The following VWA3B variants were observed in gnomAD, a reference collection of about 807,000 sequenced individuals.
The protein encoded by VWA3B is von Willebrand factor A domain-containing protein 3B.
In VWA3B, 138 loss-of-function variants were observed where a neutral mutation model predicts 158.3. The ratio of observed to expected loss-of-function variants is 0.87; its 90% CI spans 0.76 to 1.00. VWA3B has a LOEUF of 1.00. Among genes scored for constraint, VWA3B ranks in the 50% least tolerant of loss-of-function variants. The pLI is 0.00. For missense variants in VWA3B, 1,555 were observed against 1,565.1 expected (o/e 0.99, Z 0.11); for synonymous variants, 596 against 587.3 (o/e 1.01, Z -0.21).
chr2:98,203,967 A>G (rs527549076), intron 12 of VWA3B, among the ~76,000 whole-genome samples: 2 of 152,364 alleles, frequency 1.3e-5, no homozygotes, highest in African/African-American at 4.8e-5. Context: ...TATAACAACT[A>G]CTTATGTAGA....
chr2:98,251,096 T>TA (rs951702794), intron 20 of VWA3B, among the ~76,000 whole-genome samples: 14 of 151,772 alleles, frequency 9.2e-5, no homozygotes, highest in African/African-American at 3.2e-4. Context: ...AGACCTCGTC[T>TA]AAAAAAAATT....
At chr2:98,192,411 G>A (rs188646665) in intron 10 of VWA3B, 53 of 162,754 alleles carry the variant, frequency 3.3e-4, no homozygotes, top group Non-Finnish European at 4.2e-4. Flanking sequence ...GTTCTCTGGC[G>A]GGCAGAGTGG....
intron 24 of VWA3B, among the ~76,000 whole-genome samples, chr2:98,298,373 G>GATTCTATTCT (rs61254436): frequency 0.091 from 11,112 of 122,130 alleles, 836 homozygotes; most frequent in Middle Eastern, 0.15. Flanking sequence ...AACTACAAAA[G>GATTCTATTCT]ATTCTATTCT....
intron 7 of VWA3B, among the ~76,000 whole-genome samples, chr2:98,139,880 G>C (rs568663749): frequency 6.6e-6 from 1 of 152,224 alleles, no homozygotes; most frequent in Non-Finnish European, 1.5e-5. Context: ...TTGTTCTTTC[G>C]CTCTTTGCAA....
chr2:98,136,127 A>G (rs1676262302), intron 7 of VWA3B, among the ~76,000 whole-genome samples: 1 of 152,242 alleles, frequency 6.6e-6, no homozygotes, highest in African/African-American at 2.4e-5. Flanking sequence ...TGGATACCAG[A>G]TAATAGGCTT....
Position 98,162,934 on chromosome 2 carries a change from G to A in VWA3B, c.1072G>A (p.Val358Met), listed in dbSNP as rs149236888. The A allele has an allele frequency of 5.5e-4, 882 of 1,614,096 alleles. 14 individuals carry two copies. In the East Asian group the frequency reaches 0.017, roughly 31 times the overall value. The change falls in exon 8 of 28, where the codon GTG becomes ATG. Residue 358 changes from valine to methionine, a missense_variant. Transcript: ENST00000477737. ...CACGCTGGCCCAGATCCAGAGGCTG[G>A]TGGCCGAGCCTCCCAAGCCCGACGT... is the stretch of plus-strand genomic sequence containing the variant. ...CSTLAQIQRLVAEPPKPDVAT... is the reference protein window; with the variant it reads ...CSTLAQIQRLMAEPPKPDVAT...
intron 7 of VWA3B, among the ~76,000 whole-genome samples, chr2:98,143,594 T>TGAG (rs1381780862): frequency 6.6e-6 from 1 of 152,092 alleles, no homozygotes; most frequent in Non-Finnish European, 1.5e-5. Context: ...CAGAGAGGAA[T>TGAG]GAGGCACTGT....
intron 8 of VWA3B, among the ~76,000 whole-genome samples, chr2:98,169,301 T>C (rs1297633869): frequency 5.9e-5 from 9 of 152,234 alleles, no homozygotes; most frequent in Non-Finnish European, 1.3e-4. Flanking sequence ...TAATTTATCA[T>C]TGGCACATAT....
chr2:98,184,183 G>T (rs1241450275), intron 9 of VWA3B, among the ~76,000 whole-genome samples: 1 of 152,210 alleles, frequency 6.6e-6, no homozygotes, highest in Non-Finnish European at 1.5e-5. Flanking sequence ...CCTCTCTGTG[G>T]TGTATGGTCT....
chr2:98,285,115 A>G (rs914557588), intron 22 of VWA3B, among the ~76,000 whole-genome samples: 1 of 152,188 alleles, frequency 6.6e-6, no homozygotes, highest in African/African-American at 2.4e-5. Context: ...AATTGACAAG[A>G]GTTTTCAACT....
intron 10 of VWA3B, among the ~76,000 whole-genome samples, chr2:98,192,116 C>T (rs986025499): frequency 1.3e-5 from 2 of 152,220 alleles, no homozygotes; most frequent in Non-Finnish European, 1.5e-5. Context: ...GCTGGCTTCA[C>T]TAGCTTGACG....
At chr2:98,193,680 C>T (rs368632234) in intron 11 of VWA3B, among the ~76,000 whole-genome samples, 65 of 151,766 alleles carry the variant, frequency 4.3e-4, no homozygotes, top group African/African-American at 1.5e-3. Context: ...ACTGCAAGCT[C>T]CGCCTCCCGG....
At chr2:98,169,685 AGAGACGTG>A (rs1679409571) in intron 8 of VWA3B, among the ~76,000 whole-genome samples, 1 of 151,192 alleles carries the variant, frequency 6.6e-6, no homozygotes, top group Non-Finnish European at 1.5e-5. Flanking sequence ...TGAGCTGTTC[AGAGACGTG>A]GGTGGGACAC....
At chr2:98,327,838 G>T in the VWA3B span, among the ~76,000 whole-genome samples, 1 of 152,136 alleles carries the variant, frequency 6.6e-6, no homozygotes. Flanking sequence ...ACAAGCATAC[G>T]TTCAGCCATT....
chr2:98,207,367 C>A, intron 12 of VWA3B: 1 of 484,890 alleles, frequency 2.1e-6, no homozygotes, highest in South Asian at 1.6e-5. Flanking sequence ...CATCATGGAT[C>A]CCAACATTGT....
At chr2:98,187,664 CTGTGTGTGTGTGTGTGTGTG>C in intron 9 of VWA3B, among the ~76,000 whole-genome samples, 1 of 141,796 alleles carries the variant, frequency 7.1e-6, no homozygotes, top group Admixed American at 7.0e-5. Flanking sequence ...GTCTCTGTGT[CTGTGTGTGTGTGTGTGTGTG>C]TGTGTGTGTG....
At chr2:98,219,608 C>T (rs1008358308) in intron 14 of VWA3B, among the ~76,000 whole-genome samples, 5 of 152,020 alleles carry the variant, frequency 3.3e-5, no homozygotes, top group Non-Finnish European at 5.9e-5. Flanking sequence ...ATCCCAAGCA[C>T]GAGAAACATG....
intron 7 of VWA3B, among the ~76,000 whole-genome samples, chr2:98,136,371 C>A (rs1676283505): frequency 6.6e-6 from 1 of 152,156 alleles, no homozygotes; most frequent in Non-Finnish European, 1.5e-5. Context: ...TAAACAGTAA[C>A]TTCCTATGTC....
At chr2:98,095,023 A>G (rs528373924) in intron 2 of VWA3B, among the ~76,000 whole-genome samples, 2 of 152,064 alleles carry the variant, frequency 1.3e-5, no homozygotes. Flanking sequence ...TTTGATTACT[A>G]TAGTTTTGTA....
Sources: gnomAD v4.1 joint callset for allele counts (sites outside exome capture counted in the v4.1 genomes callset) on GRCh38, gnomAD v4.1.1 for gene constraint, MANE v1.5 for transcripts, NCBI Gene and HGNC (gene_info 2026-07-23, HGNC 2026-07-21) for gene names.